MAT1A: variants seen among roughly 807,000 people sequenced by gnomAD.
MAT1A encodes S-adenosylmethionine synthase isoform type-1.
In MAT1A, 19 loss-of-function variants were observed where a neutral mutation model predicts 44.0. The observed-to-expected ratio is 0.43, with a 90% CI of 0.30 to 0.63. The LOEUF (loss-of-function observed/expected upper bound fraction) is 0.63. MAT1A is among the 30% of genes least tolerant of loss of function. MAT1A has a pLI of 0.12. For missense variants in MAT1A, 397 were observed against 531.0 expected (o/e 0.75, Z 2.48); for synonymous variants, 205 against 205.6 (o/e 1.00, Z 0.03).
chr10:80,275,246 A>G, intron 6 of MAT1A, 47 bp from the exon 7 acceptor site: 4 of 1,527,494 alleles, frequency 2.6e-6, no homozygotes, highest in Non-Finnish European at 3.6e-6. Context: ...CAGCCCCTAG[A>G]TGCTGGAGGG....
chr10:80,283,599 C>T (rs1055916214), intron 3 of MAT1A, among the ~76,000 whole-genome samples: 6 of 152,250 alleles, frequency 3.9e-5, no homozygotes, highest in African/African-American at 1.4e-4. Flanking sequence ...GCGAGCATGT[C>T]CCCAAAGGAG....
At chr10:80,282,847 G>A (rs1304894671) in intron 3 of MAT1A, among the ~76,000 whole-genome samples, 1 of 152,136 alleles carries the variant, frequency 6.6e-6, no homozygotes, top group East Asian at 1.9e-4. Context: ...CCCACAGGAT[G>A]CTACACATCA....
chr10:80,283,609 G>A (rs1344520171), intron 3 of MAT1A, among the ~76,000 whole-genome samples: 1 of 152,256 alleles, frequency 6.6e-6, no homozygotes, highest in Non-Finnish European at 1.5e-5. Flanking sequence ...CCCCAAAGGA[G>A]GGCAGCCCCC....
chr10:80,289,458 G>A lies in MAT1A; in HGVS notation c.-35C>T. 3 of 1,520,596 alleles carry A rather than the reference G, an allele frequency of 2.0e-6. No individual in the cohort carries two copies. The highest frequency in any genetic ancestry group is 2.7e-6 in the Non-Finnish European group (3 of 1,095,392). The allele number at this position is 1,520,596 out of a possible 1,614,324, so 94.2% of individuals were successfully genotyped here. A position where few individuals can be genotyped will look rare whatever the true frequency, so the allele number is the denominator to read the frequency against. ...CTTCTCCACTCACGCTTCTTTCAGT[G>A]AACAATTTTGAGGCTGTGACTTTGC... On this transcript the variant is annotated 5_prime_UTR_variant, in exon 1 of 9. Transcript: ENST00000372213.
chr10:80,273,866 T>G lies in MAT1A; in HGVS notation c.1103A>C (p.Lys368Thr). 6.2e-7 allele frequency: 1 copy of G among 1,612,148 alleles called. No homozygotes were observed. The highest frequency in any genetic ancestry group is 8.5e-7 in the Non-Finnish European group (1 of 1,178,258). Reference sequence around the variant, plus strand: ...GCATGCTGTCTTCTGGTAGATGGGCTTCTTCAAGTCCAAATCCCTGCATGT... The same window carrying G: ...GCATGCTGTCTTCTGGTAGATGGGCGTCTTCAAGTCCAAATCCCTGCATGT... ...GVIVRDLDLKKPIYQKTACYG... is the reference protein window; with the variant it reads ...GVIVRDLDLKTPIYQKTACYG... The change falls in exon 9 of 9, where the codon AAG (lysine) becomes ACG (threonine). Residue 368 changes from lysine to threonine, a missense_variant. By Grantham distance (78) the Lys-to-Thr change is moderately conservative. Coordinates refer to ENST00000372213, the MANE Select transcript of MAT1A (RefSeq NM_000429.3).
chr10:80,275,294 G>C, intron 6 of MAT1A, 95 bp from the exon 7 acceptor site: 1 of 1,132,338 alleles, frequency 8.8e-7, no homozygotes, highest in South Asian at 1.3e-5. Flanking sequence ...CTGCAACTCA[G>C]GAAGGATGTC....
chr10:80,275,147 C>G lies in MAT1A; in HGVS notation c.821G>C (p.Trp274Ser). The G allele has an allele frequency of 6.2e-7, 1 of 1,613,328 alleles. No homozygotes were observed. The highest frequency in any genetic ancestry group is 8.5e-7 in the Non-Finnish European group (1 of 1,179,762). ...GAAGGCCCCACCACCATGAGCCCCC[C>G]AGCCGCCATAGGTGTCCACAATAAT... ...RKIIVDTYGG[W>S]GAHGGGAFSG... The change falls in exon 7 of 9, where the codon TGG (tryptophan) becomes TCG (serine). Residue 274 changes from tryptophan to serine, a missense_variant. Transcript: ENST00000372213.
Position 80,289,418 on chromosome 10 carries a change from A to G in MAT1A, c.6T>C (p.Asn2=). 6.2e-7 allele frequency: 1 copy of G among 1,613,434 alleles called. No homozygotes were observed. The highest frequency in any genetic ancestry group is 8.5e-7 in the Non-Finnish European group (1 of 1,179,334). M[N]GPVDGLCDHS... is the part of the protein sequence containing the mutation. ...GGTCACACAAGCCATCCACCGGTCC[A>G]TTCATCTTCTCACACTTCTCCACTC... is the stretch of plus-strand genomic sequence containing the variant. Residue 2 remains asparagine (N), a synonymous_variant, in exon 1 of 9, where the codon AAT becomes AAC. Transcript: ENST00000372213.
rs200574801 is a variant in MAT1A, at chr10:80,284,004, A to G, written c.204T>C (p.Cys68=). 3.3e-5 allele frequency: 53 copies of G among 1,614,088 alleles called. No individual in the cohort carries two copies. Among genetic ancestry groups the G allele is most frequent in the Admixed American group, 1.3e-4 (8 of 60,006 alleles). The change falls in exon 3 of 9, where the codon TGT becomes TGC. Residue 68 remains cysteine (C), a synonymous_variant. Transcript: ENST00000372213. ...TVCKTGMVLL[C]GEITSMAMVD... The stretch of plus-strand genomic sequence containing the variant: ...CCATGGCCATTGAGGTGATCTCACC[A>G]CACAGCAGCACCATGCCGGTCTTGC...
At chr10:80,286,369 T>A (rs1488255415) in intron 1 of MAT1A, among the ~76,000 whole-genome samples, 3 of 152,124 alleles carry the variant, frequency 2.0e-5, no homozygotes, top group Non-Finnish European at 2.9e-5. Flanking sequence ...ATGCACCGTA[T>A]ATAAAACACC....
chr10:80,285,283 T>C lies in MAT1A; in HGVS notation c.169+229A>G, dbSNP rs547433949. Among the ~76,000 whole-genome samples the C allele has an allele frequency of 3.5e-5, 5 of 144,900 alleles. No homozygotes were observed. In the East Asian group the frequency reaches 1.1e-3, roughly 31 times the overall value. ...TCTGCTATTTATGGTTGCTATGACA[T>C]TTAACGTTAGATTCTTGCTAAAAAT... On this transcript the variant is annotated intron_variant, in intron 2 of 8. Transcript: ENST00000372213.
intron 6 of MAT1A, chr10:80,275,406 C>T (rs1014445385): frequency 3.3e-5 from 20 of 615,316 alleles, no homozygotes; most frequent in Non-Finnish European, 4.9e-5. Flanking sequence ...AGGTAACCTG[C>T]CAAAGCTTCA....
At chr10:80,280,108 T>C in intron 5 of MAT1A, 65 bp downstream of exon 5, 1 of 1,558,864 alleles carries the variant, frequency 6.4e-7, no homozygotes, top group Non-Finnish European at 8.8e-7. Flanking sequence ...CAATCAAGAA[T>C]CAAGAGGATT....
At chr10:80,275,430 A>T (rs1841474338) in intron 6 of MAT1A, 1 of 588,388 alleles carries the variant, frequency 1.7e-6, no homozygotes, top group East Asian at 2.9e-5. Context: ...GCAAGTGCAG[A>T]AGGTGGGCCA....
At chr10:80,280,813 C>T (rs749489388) in intron 3 of MAT1A, 21 bp from the exon 4 acceptor site, 9 of 1,577,744 alleles carry the variant, frequency 5.7e-6, no homozygotes, top group Non-Finnish European at 5.2e-6. Context: ...GCAAAGTGAG[C>T]CTAAGTGGGG....
chr10:80,276,653 C>T lies in MAT1A; in HGVS notation c.550-59G>A, dbSNP rs1184973990. On this transcript the variant is annotated intron_variant, in intron 5 of 8. Coordinates refer to ENST00000372213, the MANE Select transcript of MAT1A (RefSeq NM_000429.3). Reference sequence around the variant, plus strand: ...GGCTGAGGCTGAGCGAACGGCACATCGTGGCCAGACACAGGCACCCAGGAG... The same window carrying T: ...GGCTGAGGCTGAGCGAACGGCACATTGTGGCCAGACACAGGCACCCAGGAG... 22 of 1,557,906 alleles carry T rather than the reference C, an allele frequency of 1.4e-5. No homozygotes were observed. The East Asian group carries it at 2.5e-4, about 17-fold the overall frequency.
At chr10:80,288,906 C>A (rs1311146562) in intron 1 of MAT1A, among the ~76,000 whole-genome samples, 1 of 152,234 alleles carries the variant, frequency 6.6e-6, no homozygotes, top group Non-Finnish European at 1.5e-5. Flanking sequence ...TGGTGGGCCA[C>A]AGCACGGCTT....
rs146794319 is a variant in MAT1A at position 80,284,034 on chromosome 10, T to A, written c.174A>T (p.Thr58=). The change falls in exon 3 of 9, where the codon ACA becomes ACT. Residue 58 remains threonine (T), a synonymous_variant. Coordinates refer to ENST00000372213, the MANE Select transcript of MAT1A (RefSeq NM_000429.3). ...GCAGCACCATGCCGGTCTTGCACAC[T>A]GTCTCTGAAAGGGAGCGGGGAGCGA... ...QDPNAKVACE[T]VCKTGMVLLC... The A allele has an allele frequency of 4.5e-5, 72 of 1,614,002 alleles. No individual in the cohort carries two copies. The Middle Eastern group carries it at 9.9e-4, about 22-fold the overall frequency.
intron 5 of MAT1A, among the ~76,000 whole-genome samples, chr10:80,278,674 C>T (rs1327046171): frequency 6.6e-6 from 1 of 152,264 alleles, no homozygotes; most frequent in East Asian, 1.9e-4. Context: ...GGCATAAGCA[C>T]ACTTCCCTGC....
Sources: gnomAD v4.1 joint callset for allele counts (sites outside exome capture counted in the v4.1 genomes callset) on GRCh38, gnomAD v4.1.1 for gene constraint, MANE v1.5 for transcripts, NCBI Gene and HGNC (gene_info 2026-07-23, HGNC 2026-07-21) for gene names.